FRMD4A: variants seen among roughly 807,000 people sequenced by gnomAD.
FRMD4A encodes FERM domain containing 4A, also known as FERM domain-containing protein 4A.
A neutral mutation model predicts 129.1 loss-of-function variants in FRMD4A; 29 were observed. That is an observed-to-expected ratio of 0.22 (90% CI 0.17 to 0.31). FRMD4A has a LOEUF of 0.31. Ranked by LOEUF, FRMD4A falls within the 10% of genes least tolerant of loss-of-function variation. The pLI is 1.00. For synonymous variants in FRMD4A, 634 were observed against 571.6 expected (o/e 1.11, Z -1.56); for missense variants, 1,272 against 1,375.8 (o/e 0.92, Z 1.19).
intron 13 of FRMD4A, among the ~76,000 whole-genome samples, chr10:13,702,540 ATGTGTGTGTGTG>A (rs398012859): frequency 2.3e-4 from 25 of 107,718 alleles, no homozygotes; most frequent in African/African-American, 6.5e-4. Context: ...GTGTGTTTGC[ATGTGTGTGTGTG>A]TGTGTGTGTG....
intron 3 of FRMD4A, among the ~76,000 whole-genome samples, chr10:13,841,277 TG>T (rs1448987778): frequency 1.1e-4 from 17 of 152,244 alleles, no homozygotes; most frequent in Admixed American, 3.3e-4. Flanking sequence ...AGAATTTGAC[TG>T]GCTTTTGTCC....
At chr10:13,956,997 G>T (rs2446574) in intron 2 of FRMD4A, among the ~76,000 whole-genome samples, 71,282 of 152,088 alleles carry the variant, frequency 0.47, 17,948 homozygotes, top group East Asian at 0.83. Flanking sequence ...TGAGAACTGG[G>T]TGTCTGCTTG....
chr10:14,127,115 A>G (rs1460139139), intron 2 of FRMD4A, among the ~76,000 whole-genome samples: 1 of 152,198 alleles, frequency 6.6e-6, no homozygotes, highest in African/African-American at 2.4e-5. Flanking sequence ...GGGAAAATGG[A>G]CTGACCACAG....
At chr10:13,753,825 G>C (rs558575060) in intron 8 of FRMD4A, among the ~76,000 whole-genome samples, 8 of 152,132 alleles carry the variant, frequency 5.3e-5, no homozygotes, top group African/African-American at 1.9e-4. Flanking sequence ...GATTATAGGC[G>C]TGAGCCACAG....
intron 2 of FRMD4A, among the ~76,000 whole-genome samples, chr10:14,060,904 C>T (rs1834777436): frequency 6.6e-6 from 1 of 152,068 alleles, no homozygotes; most frequent in African/African-American, 2.4e-5. Context: ...TATGGCAAAA[C>T]CTACCATGAG....
intron 2 of FRMD4A, among the ~76,000 whole-genome samples, chr10:14,009,368 C>T (rs1265647324): frequency 1.3e-5 from 2 of 151,332 alleles, no homozygotes; most frequent in African/African-American, 4.9e-5. Context: ...TCTGTCTGTT[C>T]TGAGTTTTAT....
At chr10:13,761,599 G>A (rs774179936) in intron 8 of FRMD4A, 48 bp downstream of exon 8, 3 of 1,407,098 alleles carry the variant, frequency 2.1e-6, no homozygotes, top group South Asian at 1.2e-5. Flanking sequence ...TAATAGAGAA[G>A]CAAGGGCTTA....
intron 2 of FRMD4A, among the ~76,000 whole-genome samples, chr10:14,282,764 C>T (rs943185756): frequency 2.0e-5 from 3 of 152,156 alleles, no homozygotes; most frequent in African/African-American, 7.2e-5. Context: ...AGTTTGTTCA[C>T]CATTTGATTG....
At chr10:14,233,049 GTC>G (rs1255956786) in intron 2 of FRMD4A, among the ~76,000 whole-genome samples, 11 of 152,260 alleles carry the variant, frequency 7.2e-5, no homozygotes, top group African/African-American at 2.2e-4. Context: ...GTAGTTGCAT[GTC>G]TCTCTGGCAT....
chr10:14,309,097 G>A (rs777100513), intron 2 of FRMD4A, among the ~76,000 whole-genome samples: 1 of 152,194 alleles, frequency 6.6e-6, no homozygotes, highest in African/African-American at 2.4e-5. Flanking sequence ...AGATAAAGAT[G>A]TTAGGGGACA....
chr10:13,730,210 G>C (rs756069), intron 12 of FRMD4A, among the ~76,000 whole-genome samples: 6 of 152,142 alleles, frequency 3.9e-5, no homozygotes, highest in Non-Finnish European at 7.3e-5. Flanking sequence ...TCAAAGGAAC[G>C]TAAGGACCCC....
chr10:14,081,621 T>C (rs903696477), intron 2 of FRMD4A, among the ~76,000 whole-genome samples: 6 of 152,198 alleles, frequency 3.9e-5, no homozygotes, highest in Non-Finnish European at 8.8e-5. Flanking sequence ...AGTGCCATCA[T>C]CCAATAATCA....
chr10:13,952,502 A>G (rs12260161), intron 2 of FRMD4A, among the ~76,000 whole-genome samples: 23,172 of 151,912 alleles, frequency 0.15, 1,918 homozygotes, highest in Non-Finnish European at 0.17. Context: ...CCCTGTCTCT[A>G]AAAAAGAAAA....
intron 2 of FRMD4A, among the ~76,000 whole-genome samples, chr10:13,984,111 C>T (rs766531912): frequency 1.3e-5 from 2 of 152,080 alleles, no homozygotes; most frequent in African/African-American, 4.8e-5. Flanking sequence ...TGAGTCTGAC[C>T]ACGGTGAAGT....
intron 22 of FRMD4A, chr10:13,655,377 G>A (rs1482352079): frequency 6.6e-6 from 1 of 150,726 alleles, no homozygotes; most frequent in Non-Finnish European, 1.5e-5. Flanking sequence ...TTATCTAATA[G>A]GGTCACAGAA....
At chr10:14,322,137 C>A (rs1717504) in intron 2 of FRMD4A, among the ~76,000 whole-genome samples, 10 of 151,560 alleles carry the variant, frequency 6.6e-5, no homozygotes, top group African/African-American at 1.9e-4. Flanking sequence ...TATAGCAATG[C>A]AAGAATGAAC....
intron 5 of FRMD4A, among the ~76,000 whole-genome samples, chr10:13,791,985 G>A (rs540280478): frequency 8.9e-4 from 135 of 152,294 alleles, no homozygotes; most frequent in East Asian, 2.1e-3. Context: ...AGATGTCTGA[G>A]GTCCTGAAAA....
At chr10:13,713,980 A>AATACACACACATATATAAT in intron 12 of FRMD4A, among the ~76,000 whole-genome samples, 1 of 113,142 alleles carries the variant, frequency 8.8e-6, no homozygotes, top group African/African-American at 3.2e-5. Flanking sequence ...ACATATATGT[A>AATACACACACATATATAAT]ATATACATAT....
At chr10:13,787,354 C>G (rs2092891348) in intron 5 of FRMD4A, among the ~76,000 whole-genome samples, 1 of 152,208 alleles carries the variant, frequency 6.6e-6, no homozygotes, top group Non-Finnish European at 1.5e-5. Context: ...TCAGACCTCT[C>G]CACCCGCACG....
Sources: gnomAD v4.1 joint callset for allele counts (sites outside exome capture counted in the v4.1 genomes callset) on GRCh38, gnomAD v4.1.1 for gene constraint, MANE v1.5 for transcripts, NCBI Gene and HGNC (gene_info 2026-07-23, HGNC 2026-07-21) for gene names.